The following ZC3H12B variants were observed in gnomAD, a reference collection of about 807,000 sequenced individuals.
ZC3H12B encodes probable ribonuclease ZC3H12B.
In ZC3H12B, 7 loss-of-function variants were observed where a neutral mutation model predicts 43.9. The ratio of observed to expected loss-of-function variants is 0.16; its 90% CI spans 0.09 to 0.30. ZC3H12B has a LOEUF of 0.30. Ranked by LOEUF, ZC3H12B falls within the 10% of genes least tolerant of loss-of-function variation. ZC3H12B has a pLI of 1.00. For synonymous variants in ZC3H12B, 222 were observed against 241.7 expected (o/e 0.92, Z 0.76); for missense variants, 475 against 670.2 (o/e 0.71, Z 3.22).
the ZC3H12B span, among the ~76,000 whole-genome samples, chrX:65,182,432 A>G: frequency 9.0e-6 from 1 of 111,492 alleles, no homozygotes; most frequent in Non-Finnish European, 1.9e-5. Context: ...TAAAAAATAA[A>G]TAAATAAATA....
chrX:65,153,022 C>A, the ZC3H12B span, among the ~76,000 whole-genome samples: 1 of 111,901 alleles, frequency 8.9e-6, no homozygotes, highest in Non-Finnish European at 1.9e-5. Flanking sequence ...TGAAAACTGG[C>A]TAGCCATATG....
the ZC3H12B span, among the ~76,000 whole-genome samples, chrX:65,186,789 G>T: frequency 1.8e-5 from 2 of 111,344 alleles, no homozygotes; most frequent in African/African-American, 6.5e-5. Context: ...AAAATATTTG[G>T]TTTTTCATTC....
chrX:65,438,309 G>A (rs754850547), intron 3 of ZC3H12B, among the ~76,000 whole-genome samples: 2 of 111,874 alleles, frequency 1.8e-5, no homozygotes, highest in Non-Finnish European at 3.8e-5. Context: ...TACCTTACTT[G>A]ATGTAGTATG....
the ZC3H12B span, among the ~76,000 whole-genome samples, chrX:65,179,885 C>A: frequency 9.0e-6 from 1 of 111,354 alleles, no homozygotes. Flanking sequence ...CAAAAAAATC[C>A]CAGGACCAGA....
At chrX:65,241,816 A>G in the ZC3H12B span, among the ~76,000 whole-genome samples, 1 of 111,519 alleles carries the variant, frequency 9.0e-6, no homozygotes, top group African/African-American at 3.3e-5. Context: ...CTACAAAACA[A>G]CACTGCTTGG....
At chrX:65,074,879 G>T in the ZC3H12B span, among the ~76,000 whole-genome samples, 1 of 112,144 alleles carries the variant, frequency 8.9e-6, no homozygotes, top group Admixed American at 9.4e-5. Flanking sequence ...TTCTGAGCTT[G>T]TTGAGCATCC....
At chrX:65,043,420 G>T in the ZC3H12B span, among the ~76,000 whole-genome samples, 8 of 110,090 alleles carry the variant, frequency 7.3e-5, no homozygotes, top group African/African-American at 2.6e-4. Context: ...GAGACCCAGA[G>T]ATAATTTATA....
At chrX:65,121,086 A>G in the ZC3H12B span, among the ~76,000 whole-genome samples, 2 of 111,271 alleles carry the variant, frequency 1.8e-5, no homozygotes, top group Non-Finnish European at 3.8e-5. Context: ...ATCAATGTTC[A>G]TCAGGGATAT....
chrX:65,282,866 G>A, the ZC3H12B span, among the ~76,000 whole-genome samples: 3 of 111,449 alleles, frequency 2.7e-5, no homozygotes, highest in Non-Finnish European at 3.8e-5. Flanking sequence ...AGGACCTGAC[G>A]GATTCACAGC....
the ZC3H12B span, among the ~76,000 whole-genome samples, chrX:65,340,386 C>A: frequency 8.9e-6 from 1 of 112,288 alleles, no homozygotes; most frequent in Admixed American, 9.4e-5. Flanking sequence ...ACTGCCACTG[C>A]TGCTGACACA....
chrX:65,316,578 A>T, the ZC3H12B span, among the ~76,000 whole-genome samples: 96 of 112,026 alleles, frequency 8.6e-4, no homozygotes, highest in Middle Eastern at 4.6e-3. Flanking sequence ...AAAAAAGGTT[A>T]TTTTGAGAGA....
chrX:65,180,381 A>G, the ZC3H12B span, among the ~76,000 whole-genome samples: 2 of 112,185 alleles, frequency 1.8e-5, no homozygotes, highest in Non-Finnish European at 3.8e-5. Context: ...ATTTATGTCA[A>G]ATCCATAGCC....
chrX:65,253,145 G>C, the ZC3H12B span, among the ~76,000 whole-genome samples: 4 of 112,038 alleles, frequency 3.6e-5, no homozygotes, highest in Admixed American at 1.9e-4. Flanking sequence ...CGAGGGACCA[G>C]GACATCGGGA....
chrX:65,138,851 A>C, the ZC3H12B span, among the ~76,000 whole-genome samples: 2 of 111,944 alleles, frequency 1.8e-5, no homozygotes, highest in Non-Finnish European at 3.8e-5. Context: ...GATGTAGATC[A>C]CCTCTTCATG....
At chrX:65,159,735 C>T in the ZC3H12B span, among the ~76,000 whole-genome samples, 8 of 111,831 alleles carry the variant, frequency 7.2e-5, no homozygotes, top group Admixed American at 6.7e-4. Context: ...CCCTCTTTTC[C>T]TAATTGAATA....
chrX:65,329,493 G>T, the ZC3H12B span, among the ~76,000 whole-genome samples: 4 of 88,996 alleles, frequency 4.5e-5, no homozygotes, highest in South Asian at 1.5e-3. Context: ...CTCCCATTTT[G>T]TAGGTTGCCT....
At chrX:65,352,602 C>T in the ZC3H12B span, among the ~76,000 whole-genome samples, 1 of 111,403 alleles carries the variant, frequency 9.0e-6, no homozygotes, top group Admixed American at 9.5e-5. Flanking sequence ...TATACTAAAA[C>T]TCACTAAGCT....
chrX:65,212,650 C>G, the ZC3H12B span, among the ~76,000 whole-genome samples: 7 of 77,499 alleles, frequency 9.0e-5, no homozygotes, highest in Non-Finnish European at 1.4e-4. Flanking sequence ...GATTATATAT[C>G]ATATATTATA....
At chrX:65,439,648 G>A (rs1006694435) in intron 3 of ZC3H12B, among the ~76,000 whole-genome samples, 9 of 111,906 alleles carry the variant, frequency 8.0e-5, no homozygotes, top group African/African-American at 2.9e-4. Context: ...TTGCATCCAG[G>A]CATTATTACC....
Sources: allele counts gnomAD v4.1 joint callset (sites outside exome capture counted in the v4.1 genomes callset), GRCh38; gene constraint gnomAD v4.1.1; transcripts MANE v1.5; gene names NCBI Gene and HGNC (gene_info 2026-07-23, HGNC 2026-07-21).